SLC48A1: variants seen among roughly 807,000 people sequenced by gnomAD.
The protein encoded by SLC48A1 is solute carrier family 48 member 1.
SLC48A1 carries 6 observed loss-of-function variants against 14.8 expected under a neutral mutation model. That is an observed-to-expected ratio of 0.41 (90% CI 0.22 to 0.80). The LOEUF is 0.80. Among genes scored for constraint, SLC48A1 ranks in the 30% least tolerant of loss-of-function variants. The pLI, the probability that SLC48A1 is intolerant of heterozygous loss-of-function variation, is 0.34. For synonymous variants in SLC48A1, 89 were observed against 90.0 expected (o/e 0.99, Z 0.06); for missense variants, 165 against 204.8 (o/e 0.81, Z 1.19).
chr12:47,772,686 AAGT>A (rs1420694294), upstream of SLC48A1, among the ~76,000 whole-genome samples: 7 of 151,924 alleles, frequency 4.6e-5, no homozygotes, highest in East Asian at 9.7e-4. Flanking sequence ...AAAAAAAAAA[AAGT>A]AGGGATTTGT....
At chr12:47,757,930 CG>C (rs1565771801), upstream of SLC48A1, 2 of 1,556,782 alleles carry the variant, frequency 1.3e-6, no homozygotes, top group Middle Eastern at 3.6e-4. Context: ...GGAGCAGCTT[CG>C]GGGCCGGTGC....
upstream of SLC48A1, among the ~76,000 whole-genome samples, chr12:47,767,477 A>T (rs921116861): frequency 6.6e-6 from 1 of 152,238 alleles, no homozygotes; most frequent in Non-Finnish European, 1.5e-5. Context: ...GTGAATAACT[A>T]TCATAGTTTG....
At chr12:47,773,141 C>A (rs1368831285), upstream of SLC48A1, 2 of 962,132 alleles carry the variant, frequency 2.1e-6, no homozygotes, top group Non-Finnish European at 2.5e-6. Context: ...GGGCGGCCTC[C>A]GGCCGGGGAG....
chr12:47,775,803 G>A (rs931367758), intron 1 of SLC48A1, among the ~76,000 whole-genome samples: 1 of 152,148 alleles, frequency 6.6e-6, no homozygotes, highest in Non-Finnish European at 1.5e-5. Context: ...GAGTGTTCAC[G>A]GGTGGGGATA....
intron 2 of SLC48A1, among the ~76,000 whole-genome samples, chr12:47,766,474 C>T (rs1942517001): frequency 6.6e-6 from 1 of 152,176 alleles, no homozygotes; most frequent in Admixed American, 6.5e-5. Flanking sequence ...ACCCCGCCCT[C>T]CCCATCCAGC....
At chr12:47,759,034 G>C in intron 1 of SLC48A1, 3 of 988,044 alleles carry the variant, frequency 3.0e-6, no homozygotes, top group Non-Finnish European at 3.6e-6. Flanking sequence ...TTTGGAGTCC[G>C]CACCCGGGGG....
intron 2 of SLC48A1, among the ~76,000 whole-genome samples, chr12:47,763,338 A>G (rs1942429961): frequency 1.3e-5 from 2 of 152,136 alleles, no homozygotes; most frequent in South Asian, 4.1e-4. Context: ...TTTCACTAAT[A>G]GGCCTCCCAT....
chr12:47,765,256 C>T (rs1028841869), intron 2 of SLC48A1, among the ~76,000 whole-genome samples: 2 of 151,832 alleles, frequency 1.3e-5, no homozygotes, highest in African/African-American at 4.8e-5. Flanking sequence ...GGGAAGGAAA[C>T]AGAAAAGTGG....
At chr12:47,757,552 G>C (rs992990398), upstream of SLC48A1, among the ~76,000 whole-genome samples, 1 of 152,048 alleles carries the variant, frequency 6.6e-6, no homozygotes, top group African/African-American at 2.4e-5. Context: ...ACCTCCACCT[G>C]GAAAGAACAC....
At chr12:47,759,767 C>T (rs1264610039) in intron 1 of SLC48A1, among the ~76,000 whole-genome samples, 1 of 152,204 alleles carries the variant, frequency 6.6e-6, no homozygotes, top group Non-Finnish European at 1.5e-5. Context: ...TAATTCAGGA[C>T]GATAATGAGG....
upstream of SLC48A1, chr12:47,771,156 C>G (rs1372759939): frequency 3.3e-6 from 1 of 301,588 alleles, no homozygotes; most frequent in Admixed American, 4.3e-5. Context: ...TTTAAAGAAG[C>G]TCCCAGATTA....
chr12:47,773,366 C>G lies in SLC48A1; in HGVS notation c.62C>G (p.Ala21Gly), dbSNP rs1237660897. 1 of 1,478,898 alleles carries G rather than the reference C, an allele frequency of 6.8e-7. No homozygotes were observed. Among genetic ancestry groups the G allele is most frequent in the Non-Finnish European group, 9.0e-7 (1 of 1,114,096 alleles). 91.6% of individuals were successfully genotyped at this position (1,478,898 alleles called of 1,614,324 possible). A position where few individuals can be genotyped will look rare whatever the true frequency, so the allele number is the denominator to read the frequency against. ...GCCTACTCCGGCATCAGCTCCGTGG[C>G]CGGCTTCTCCATCTTCCTCGTCTGG... is the stretch of plus-strand genomic sequence containing the variant. Reference protein sequence around the residue: ...RAAYSGISSVAGFSIFLVWTV... With the variant: ...RAAYSGISSVGGFSIFLVWTV... The change falls in exon 1 of 3, where the codon GCC becomes GGC. Residue 21 changes from alanine (A) to glycine (G), a missense_variant. Transcript: ENST00000442218.
At chr12:47,760,249 G>T (rs1393490006) in exon 2 of SLC48A1, 23 of 985,356 alleles carry the variant, frequency 2.3e-5, no homozygotes, top group Non-Finnish European at 2.5e-5. Flanking sequence ...AAGAAACGCT[G>T]GTGGAGTTTT....
intron 2 of SLC48A1, 130 bp from the exon 3 acceptor site, chr12:47,780,015 T>G: frequency 1.7e-6 from 2 of 1,187,368 alleles, no homozygotes; most frequent in Non-Finnish European, 2.3e-6. Context: ...AGTGTCTTTC[T>G]GAAGGGTTGG....
chr12:47,755,639 T>A (rs1305753571), upstream of SLC48A1: 2 of 152,276 alleles, frequency 1.3e-5, no homozygotes, highest in East Asian at 3.8e-4. Flanking sequence ...CTTATCTTAG[T>A]CTGTATCTAA....
chr12:47,773,120 G>T, upstream of SLC48A1: 1 of 889,668 alleles, frequency 1.1e-6, no homozygotes, highest in Non-Finnish European at 1.3e-6. Flanking sequence ...GGCGTCTGCG[G>T]TTCCGGGCGC....
intron 1 of SLC48A1, chr12:47,758,942 G>A: frequency 9.7e-7 from 1 of 1,025,896 alleles, no homozygotes; most frequent in African/African-American, 1.7e-5. Flanking sequence ...CCCCTCCCCA[G>A]GACTGGCGGA....
chr12:47,780,641 A>G lies in SLC48A1; in HGVS notation c.*360A>G, dbSNP rs752883154. The G allele has an allele frequency of 1.9e-5, 8 of 413,302 alleles. No individual in the cohort carries two copies. Among genetic ancestry groups the G allele is most frequent in the South Asian group, 1.2e-4 (7 of 58,256 alleles). 25.6% of individuals were successfully genotyped at this position (413,302 alleles called of 1,614,324 possible). A position where few individuals can be genotyped will look rare whatever the true frequency, so the allele number is the denominator to read the frequency against. On this transcript the variant is annotated 3_prime_UTR_variant, in exon 3 of 3. Coordinates refer to ENST00000442218, the MANE Select transcript of SLC48A1 (RefSeq NM_017842.3). ...GAGTGCAGTAGTGCGATCTCAGCTC[A>G]CTGCAACCTCCGCCTCCCAGGTTCA...
chr12:47,780,305 CCTGGGG>C lies in SLC48A1; in HGVS notation c.*25_*30del. On this transcript the variant is annotated 3_prime_UTR_variant, in exon 3 of 3. Transcript: ENST00000442218. ...GACCCAGGGGGTGAGGTCTCTGCACCCTGGGGGGGCCTTAGGACCTGGACTCAGCCT... is the reference window on the plus strand; with the variant it reads ...GACCCAGGGGGTGAGGTCTCTGCACCGGGCCTTAGGACCTGGACTCAGCCT... 1 of 1,614,064 alleles carries C rather than the reference CCTGGGG, an allele frequency of 6.2e-7. No homozygotes were observed. Among genetic ancestry groups the C allele is most frequent in the East Asian group, 2.2e-5 (1 of 44,880 alleles).
Sources: gnomAD v4.1 joint callset for allele counts (sites outside exome capture counted in the v4.1 genomes callset) on GRCh38, gnomAD v4.1.1 for gene constraint, MANE v1.5 for transcripts, NCBI Gene and HGNC (gene_info 2026-07-23, HGNC 2026-07-21) for gene names.